ZNF560: variants seen among roughly 807,000 people sequenced by gnomAD.
ZNF560 encodes zinc finger protein 560.
In ZNF560, 54 loss-of-function variants were observed where a neutral mutation model predicts 81.8. The ratio of observed to expected loss-of-function variants is 0.66; its 90% confidence interval spans 0.53 to 0.83. ZNF560 has a LOEUF of 0.83. ZNF560 is among the 40% of genes least tolerant of loss of function. ZNF560 has a pLI of 0.00. For missense variants in ZNF560, 940 were observed against 932.4 expected (o/e 1.01, Z -0.11); for synonymous variants, 321 against 317.9 (o/e 1.01, Z -0.10).
At chr19:9,482,378 C>T (rs1028663767) in intron 2 of ZNF560, among the ~76,000 whole-genome samples, 1 of 144,388 alleles carries the variant, frequency 6.9e-6, no homozygotes, top group Non-Finnish European at 1.5e-5. Flanking sequence ...ATATATGTAA[C>T]AAACCTGCAC....
rs369285332 is a variant in ZNF560, at chr19:9,467,502, T to C, written c.1445A>G (p.Asn482Ser). 1.2e-5 allele frequency: 19 copies of C among 1,614,026 alleles called. No individual in the cohort carries two copies. Among genetic ancestry groups the C allele is most frequent in the Non-Finnish European group, 1.5e-5 (18 of 1,180,034 alleles). Residue 482 changes from asparagine to serine, a missense_variant, in exon 10 of 10, where the codon AAC (asparagine) becomes AGC (serine). Transcript: ENST00000301480. The stretch of plus-strand genomic sequence containing the variant: ...ACAATCAAAGCGTTTCTGTCCTGTG[T>C]TACTTCTTCTATCTTCAATAACACC... ...SSGVIEDRRS[N>S]TGQKRFDCDQ...
chr19:9,504,823 A>C, the ZNF560 span, among the ~76,000 whole-genome samples: 1 of 152,184 alleles, frequency 6.6e-6, no homozygotes, highest in Non-Finnish European at 1.5e-5. Flanking sequence ...ACAGTGGCTC[A>C]TTCCTGTAAT....
At position 9,466,665 on chromosome 19, in the gene ZNF560, G is replaced by A; in HGVS notation, c.2282C>T (p.Thr761Ile). The A allele has an allele frequency of 1.2e-6, 2 of 1,613,968 alleles. No individual in the cohort carries two copies. The highest frequency in any genetic ancestry group is 1.7e-6 in the Non-Finnish European group (2 of 1,179,952). ...TSSGRIQHLR[T>I]HMGEKPFECD... is the part of the protein sequence containing the mutation. ...TTCAAAGGGTTTCTCTCCCATATGA[G>A]TTCTTAAATGTTGAATACGTCCTGA... is the stretch of plus-strand genomic sequence containing the variant. Residue 761 changes from threonine to isoleucine, a missense_variant, in exon 10 of 10, where the codon ACT (threonine) becomes ATT (isoleucine). Coordinates refer to ENST00000301480, the MANE Select transcript of ZNF560 (RefSeq NM_152476.3).
At chr19:9,483,570 C>T (rs1428264023) in intron 2 of ZNF560, among the ~76,000 whole-genome samples, 2 of 142,616 alleles carry the variant, frequency 1.4e-5, no homozygotes, top group African/African-American at 5.1e-5. Flanking sequence ...CCGCCCCGTC[C>T]GGGAGGGGGG....
At chr19:9,499,933 G>A (rs756624655), upstream of ZNF560, among the ~76,000 whole-genome samples, 4 of 152,038 alleles carry the variant, frequency 2.6e-5, no homozygotes, top group Non-Finnish European at 5.9e-5. Flanking sequence ...GTTGTACTGT[G>A]CAACTTTACG....
At chr19:9,470,779 T>C (rs2073109053) in intron 6 of ZNF560, among the ~76,000 whole-genome samples, 2 of 152,306 alleles carry the variant, frequency 1.3e-5, no homozygotes, top group South Asian at 2.1e-4. Context: ...ATTTGATTCC[T>C]CTCTACTGCA....
intron 2 of ZNF560, among the ~76,000 whole-genome samples, chr19:9,476,296 TTTG>T (rs1376460387): frequency 6.6e-6 from 1 of 151,744 alleles, no homozygotes; most frequent in Non-Finnish European, 1.5e-5. Flanking sequence ...TTTTTTTTTG[TTTG>T]TTTTTGTTTT....
chr19:9,502,574 T>TACAATTCATTTGTGAATTG (rs2073641499), upstream of ZNF560, among the ~76,000 whole-genome samples: 1 of 152,226 alleles, frequency 6.6e-6, no homozygotes, highest in African/African-American at 2.4e-5. Flanking sequence ...AAATGTTTAG[T>TACAATTCATTTGTGAATTG]ACAATTCATT....
At chr19:9,478,575 C>G (rs192447127) in intron 2 of ZNF560, among the ~76,000 whole-genome samples, 21 of 152,016 alleles carry the variant, frequency 1.4e-4, no homozygotes, top group Admixed American at 5.2e-4. Flanking sequence ...GTATTAGGAA[C>G]AGTAAGAGCT....
At chr19:9,453,435 A>T in the ZNF560 span, among the ~76,000 whole-genome samples, 78 of 101,930 alleles carry the variant, frequency 7.7e-4, 1 homozygote, top group African/African-American at 2.8e-3. Context: ...TAGCAACATT[A>T]ATGTTTTTCA....
At chr19:9,478,008 G>A (rs1042269563) in intron 2 of ZNF560, among the ~76,000 whole-genome samples, 42 of 152,088 alleles carry the variant, frequency 2.8e-4, no homozygotes, top group African/African-American at 1.0e-3. Context: ...TCCACACTGA[G>A]GAAAATATAT....
intron 4 of ZNF560, among the ~76,000 whole-genome samples, 183 bp downstream of exon 4, chr19:9,474,016 G>C (rs2073161612): frequency 6.6e-6 from 1 of 152,170 alleles, no homozygotes; most frequent in African/African-American, 2.4e-5. Context: ...ATTTCTAAGG[G>C]AGTAACAGTG....
the ZNF560 span, among the ~76,000 whole-genome samples, chr19:9,455,886 T>C: frequency 1.3e-5 from 2 of 152,090 alleles, no homozygotes; most frequent in Non-Finnish European, 2.9e-5. Context: ...TGAAGCTTGT[T>C]TCAACTGCAG....
chr19:9,502,205 C>CAGTTT (rs2073638842), upstream of ZNF560, among the ~76,000 whole-genome samples: 1 of 151,412 alleles, frequency 6.6e-6, no homozygotes, highest in African/African-American at 2.4e-5. Context: ...TGTTTTGTTT[C>CAGTTT]GGTTTGGTTT....
chr19:9,494,040 G>A (rs1286643451), intron 2 of ZNF560, among the ~76,000 whole-genome samples: 2 of 150,078 alleles, frequency 1.3e-5, no homozygotes, highest in East Asian at 2.0e-4. Context: ...GCTGAGGCAG[G>A]AGAATCACTT....
downstream of ZNF560, among the ~76,000 whole-genome samples, chr19:9,463,409 T>G (rs148088151): frequency 3.3e-5 from 5 of 152,280 alleles, no homozygotes; most frequent in East Asian, 9.7e-4. Flanking sequence ...GACCCACAAG[T>G]GCTCATACTC....
chr19:9,469,736 T>A (rs2073093308), intron 7 of ZNF560, 26 bp from the exon 8 acceptor site: 6 of 1,605,312 alleles, frequency 3.7e-6, no homozygotes, highest in Non-Finnish European at 5.1e-6. Flanking sequence ...GATACACCAA[T>A]GGAAGAGGCT....
the ZNF560 span, among the ~76,000 whole-genome samples, chr19:9,451,238 A>G: frequency 6.6e-6 from 1 of 152,246 alleles, no homozygotes; most frequent in South Asian, 2.1e-4. Context: ...CTACAAGCCT[A>G]CAGTAACCAA....
At chr19:9,463,168 T>C (rs1050169406), downstream of ZNF560, among the ~76,000 whole-genome samples, 3 of 152,100 alleles carry the variant, frequency 2.0e-5, no homozygotes, top group African/African-American at 7.2e-5. Context: ...TACATAAAAC[T>C]AGGATGTTAA....
Sources: gnomAD v4.1 joint callset for allele counts (sites outside exome capture counted in the v4.1 genomes callset) on GRCh38, gnomAD v4.1.1 for gene constraint, MANE v1.5 for transcripts, NCBI Gene and HGNC (gene_info 2026-07-23, HGNC 2026-07-21) for gene names.